The following CNTN6 variants were observed in gnomAD, a reference collection of about 807,000 sequenced individuals.
The protein encoded by CNTN6 is contactin 6.
Under a neutral mutation model 122.8 loss-of-function variants are expected in CNTN6, and 137 were observed. The observed-to-expected ratio is 1.12, with a 90% CI of 0.97 to 1.29. CNTN6 has a LOEUF of 1.29. Ranked by LOEUF, CNTN6 falls within the 50% of genes most tolerant of loss-of-function variation. The pLI is 0.00. For missense variants in CNTN6, 1,634 were observed against 1,223.4 expected (o/e 1.34, Z -5.01); for synonymous variants, 570 against 426.0 (o/e 1.34, Z -4.16).
At position 1,252,966 on chromosome 3, in the gene CNTN6, G is replaced by A. The variant is rs1289626113; in HGVS notation, c.358+24973G>A. On this transcript the variant is annotated intron_variant, in intron 4 of 22. Transcript: ENST00000446702. ...TGAAAGAAGGTATAGCATGAACAATGTCGGGAAGTCAGAATGCTTAATTTC... is the reference window on the plus strand; with the variant it reads ...TGAAAGAAGGTATAGCATGAACAATATCGGGAAGTCAGAATGCTTAATTTC... Among the ~76,000 whole-genome samples the A allele has an allele frequency of 5.9e-5, 9 of 152,304 alleles. No individual in the cohort carries two copies. The South Asian group carries it at 1.9e-3, about 32-fold the overall frequency.
intron 11 of CNTN6, among the ~76,000 whole-genome samples, chr3:1,342,607 C>G (rs1332962923): frequency 6.6e-6 from 1 of 151,794 alleles, no homozygotes; most frequent in Non-Finnish European, 1.5e-5. Flanking sequence ...TACAGCTGCC[C>G]AAAGGAACAC....
chr3:1,354,024 G>A (rs188530419), intron 12 of CNTN6, among the ~76,000 whole-genome samples: 4 of 151,532 alleles, frequency 2.6e-5, no homozygotes, highest in Non-Finnish European at 4.4e-5. Context: ...CAAGTTAATG[G>A]TAGATTGAAC....
chr3:1,249,252 C>T (rs902609264), intron 4 of CNTN6, among the ~76,000 whole-genome samples: 5 of 152,158 alleles, frequency 3.3e-5, no homozygotes, highest in Non-Finnish European at 7.3e-5. Context: ...GTATTTCCCA[C>T]CACTAAGATG....
intron 20 of CNTN6, among the ~76,000 whole-genome samples, chr3:1,388,270 C>CCTAA (rs1359926310): frequency 6.7e-6 from 1 of 148,730 alleles, no homozygotes; most frequent in Non-Finnish European, 1.5e-5. Context: ...CCCCGAGCAG[C>CCTAA]CTAACTGGGA....
intron 4 of CNTN6, among the ~76,000 whole-genome samples, chr3:1,261,309 A>G (rs1297411660): frequency 6.6e-6 from 1 of 152,192 alleles, no homozygotes; most frequent in Non-Finnish European, 1.5e-5. Context: ...GTAGGTAAAT[A>G]GATAGCAAAA....
intron 12 of CNTN6, among the ~76,000 whole-genome samples, chr3:1,354,351 C>G (rs1185409972): frequency 7.2e-6 from 1 of 139,678 alleles, no homozygotes; most frequent in Non-Finnish European, 1.6e-5. Context: ...AATAATTAAT[C>G]AAGATAGCTC....
At chr3:1,338,278 C>T (rs927842552) in intron 11 of CNTN6, among the ~76,000 whole-genome samples, 21 of 152,044 alleles carry the variant, frequency 1.4e-4, no homozygotes, top group African/African-American at 4.8e-4. Context: ...TCATGGGCTG[C>T]GATATCAGTC....
intron 16 of CNTN6, 73 bp from the exon 17 acceptor site, chr3:1,376,932 C>T (rs1709948389): frequency 9.4e-7 from 1 of 1,067,070 alleles, no homozygotes; most frequent in Admixed American, 2.1e-5. Context: ...AAGTGAAATT[C>T]AAAAACAAAA....
At chr3:1,320,864 TC>T (rs1700744657) in intron 7 of CNTN6, among the ~76,000 whole-genome samples, 1 of 151,680 alleles carries the variant, frequency 6.6e-6, no homozygotes, top group Admixed American at 6.6e-5. Flanking sequence ...GTATTTTTGC[TC>T]CTTTGAAAGA....
intron 7 of CNTN6, among the ~76,000 whole-genome samples, chr3:1,312,904 C>A (rs1699592636): frequency 6.6e-6 from 1 of 151,170 alleles, no homozygotes; most frequent in African/African-American, 2.4e-5. Flanking sequence ...ATGTGAACAA[C>A]TGTAATCGTA....
intron 11 of CNTN6, among the ~76,000 whole-genome samples, chr3:1,341,837 C>T (rs953499892): frequency 3.3e-5 from 5 of 152,106 alleles, no homozygotes; most frequent in African/African-American, 1.2e-4. Context: ...GTTGTAAATA[C>T]AATTACAGAC....
At chr3:1,290,649 T>C (rs1288998222) in intron 5 of CNTN6, among the ~76,000 whole-genome samples, 1 of 152,238 alleles carries the variant, frequency 6.6e-6, no homozygotes, top group Non-Finnish European at 1.5e-5. Context: ...ACAGAATGGC[T>C]ACTCCATAGA....
At chr3:1,138,585 A>G (rs1249868046) in intron 1 of CNTN6, among the ~76,000 whole-genome samples, 1 of 151,970 alleles carries the variant, frequency 6.6e-6, no homozygotes, top group African/African-American at 2.4e-5. Context: ...CTGTAGTGTG[A>G]CCACTTTTTC....
chr3:1,295,953 C>T, intron 6 of CNTN6, 149 bp downstream of exon 6: 1 of 670,918 alleles, frequency 1.5e-6, no homozygotes, highest in East Asian at 2.7e-5. Flanking sequence ...AGAAATATAA[C>T]AGAAAATTAT....
At chr3:1,146,687 C>T (rs2092729627) in intron 1 of CNTN6, among the ~76,000 whole-genome samples, 1 of 151,910 alleles carries the variant, frequency 6.6e-6, no homozygotes. Context: ...ATTTTAGGCT[C>T]ACCATTAACA....
chr3:1,288,473 T>G (rs565504180), intron 5 of CNTN6, among the ~76,000 whole-genome samples: 1 of 152,222 alleles, frequency 6.6e-6, no homozygotes, highest in East Asian at 1.9e-4. Context: ...CACCCAAGAG[T>G]CAGTCACATT....
At chr3:1,272,421 A>T (rs993707629) in intron 4 of CNTN6, among the ~76,000 whole-genome samples, 1 of 152,238 alleles carries the variant, frequency 6.6e-6, no homozygotes, top group East Asian at 1.9e-4. Flanking sequence ...CAATGAGTGT[A>T]CTTATCAGAG....
intron 4 of CNTN6, among the ~76,000 whole-genome samples, chr3:1,243,092 T>G (rs983984266): frequency 3.3e-5 from 5 of 152,156 alleles, no homozygotes; most frequent in African/African-American, 1.2e-4. Context: ...GCCGAGAAGA[T>G]CTGGGAAGGA....
At chr3:1,143,829 A>G (rs929303184) in intron 1 of CNTN6, among the ~76,000 whole-genome samples, 2 of 152,236 alleles carry the variant, frequency 1.3e-5, no homozygotes, top group African/African-American at 4.8e-5. Context: ...TTGCTATGAA[A>G]TTATACACTG....
Sources: allele counts gnomAD v4.1 joint callset (sites outside exome capture counted in the v4.1 genomes callset), GRCh38; gene constraint gnomAD v4.1.1; transcripts MANE v1.5; gene names NCBI Gene and HGNC (gene_info 2026-07-23, HGNC 2026-07-21).